Variants in RALGAPA2 observed in about 807,000 individuals in gnomAD.
RALGAPA2 encodes the protein Ral GTPase activating protein catalytic subunit alpha 2, also known as ral GTPase-activating protein subunit alpha-2.
In RALGAPA2, 139 loss-of-function variants were observed where a neutral mutation model predicts 230.4. The ratio of observed to expected loss-of-function variants is 0.60; its 90% CI spans 0.53 to 0.69. The LOEUF (loss-of-function observed/expected upper bound fraction) is 0.69, where lower values mean the gene tolerates loss of function less well. Ranked by LOEUF, RALGAPA2 falls within the 30% of genes least tolerant of loss-of-function variation. The pLI, the probability that RALGAPA2 is intolerant of heterozygous loss-of-function variation, is 0.00. For missense variants in RALGAPA2, 2,163 were observed against 2,276.0 expected (o/e 0.95, Z 1.01); for synonymous variants, 847 against 837.8 (o/e 1.01, Z -0.19).
intron 26 of RALGAPA2, among the ~76,000 whole-genome samples, chr20:20,534,927 C>T (rs1486729171): frequency 1.3e-5 from 2 of 152,256 alleles, no homozygotes; most frequent in South Asian, 2.1e-4. Context: ...TTAATATTTG[C>T]AAATTATTAT....
intron 3 of RALGAPA2, among the ~76,000 whole-genome samples, chr20:20,664,061 G>C (rs184910484): frequency 9.8e-5 from 15 of 152,298 alleles, no homozygotes; most frequent in African/African-American, 3.6e-4. Context: ...AATGGAGCAG[G>C]ATGGTGAGAG....
chr20:20,584,074 G>A (rs1009329983), intron 19 of RALGAPA2, among the ~76,000 whole-genome samples: 4 of 152,198 alleles, frequency 2.6e-5, no homozygotes, highest in Non-Finnish European at 5.9e-5. Context: ...TAAGCTAGCA[G>A]GGTGAAGGTA....
chr20:20,634,774 A>G (rs977200212), intron 9 of RALGAPA2, among the ~76,000 whole-genome samples: 4 of 152,226 alleles, frequency 2.6e-5, no homozygotes, highest in Non-Finnish European at 5.9e-5. Context: ...CACAAATGGT[A>G]GTGCTCCACC....
intron 13 of RALGAPA2, among the ~76,000 whole-genome samples, chr20:20,614,674 T>C (rs2066078773): frequency 6.6e-6 from 1 of 152,248 alleles, no homozygotes; most frequent in Admixed American, 6.5e-5. Context: ...GTGAACTTTC[T>C]GCACACCAAG....
intron 36 of RALGAPA2, among the ~76,000 whole-genome samples, chr20:20,476,819 A>G (rs2061663092): frequency 6.6e-6 from 1 of 152,140 alleles, no homozygotes. Context: ...ACATAGCCAC[A>G]AGGTCCATCC....
rs1223545829 is a variant in RALGAPA2 at position 20,394,474 on chromosome 20, CAA to C, written c.*36-1223_*36-1222del. Among the ~76,000 whole-genome samples the C allele has an allele frequency of 3.9e-5, 6 of 152,254 alleles. No homozygotes were observed. In the East Asian group the frequency reaches 1.2e-3, roughly 29 times the overall value. On this transcript the variant is annotated intron_variant, in intron 39 of 39. Transcript: ENST00000202677. The stretch of plus-strand genomic sequence containing the variant: ...GAAACACAGTGAAACCCCGTCTCTA[CAA>C]AAACATTGCAAAACTTATCCAGGCA...
chr20:20,662,839 G>C (rs1441990825), intron 3 of RALGAPA2, among the ~76,000 whole-genome samples: 2 of 152,150 alleles, frequency 1.3e-5, no homozygotes, highest in African/African-American at 4.8e-5. Flanking sequence ...CTTCCAAAGG[G>C]AGAACACCCT....
intron 1 of RALGAPA2, among the ~76,000 whole-genome samples, chr20:20,698,028 T>C (rs1392349452): frequency 6.6e-6 from 1 of 151,438 alleles, no homozygotes; most frequent in East Asian, 1.9e-4. Flanking sequence ...CAAATACAAA[T>C]GTACTCAACA....
chr20:20,503,524 G>T lies in RALGAPA2; in HGVS notation c.5053-18C>A, dbSNP rs1450800541. ...AGATCCACCTGACAAAGGTCACAAA[G>T]AAGAAAGAGTGAGGATCAAAAATGA... is the stretch of plus-strand genomic sequence containing the variant. On this transcript the variant is annotated intron_variant, in intron 34 of 39. Transcript: ENST00000202677. The T allele has an allele frequency of 1.3e-6, 2 of 1,519,044 alleles. No homozygotes were observed. The highest frequency in any genetic ancestry group is 5.0e-5 in the East Asian group (2 of 40,012). 94.1% of individuals were successfully genotyped at this position (1,519,044 alleles called of 1,614,324 possible).
At chr20:20,480,325 G>A (rs1602495523) in intron 36 of RALGAPA2, among the ~76,000 whole-genome samples, 2 of 152,164 alleles carry the variant, frequency 1.3e-5, no homozygotes, top group Non-Finnish European at 2.9e-5. Context: ...TAAGGCACAC[G>A]GGACCAGTGG....
intron 19 of RALGAPA2, among the ~76,000 whole-genome samples, chr20:20,584,224 C>A (rs1400788261): frequency 6.6e-6 from 1 of 152,194 alleles, no homozygotes; most frequent in Non-Finnish European, 1.5e-5. Context: ...ATTCCAATCT[C>A]ATTCCATTTC....
chr20:20,579,679 A>G (rs1430356706), intron 20 of RALGAPA2, among the ~76,000 whole-genome samples: 1 of 152,196 alleles, frequency 6.6e-6, no homozygotes, highest in Non-Finnish European at 1.5e-5. Flanking sequence ...GTTTTCTTCC[A>G]AAAGTTTTTA....
chr20:20,451,149 G>A (rs1326864408), intron 37 of RALGAPA2, among the ~76,000 whole-genome samples: 2 of 152,154 alleles, frequency 1.3e-5, no homozygotes, highest in African/African-American at 4.8e-5. Context: ...CAAAATTAGA[G>A]AGCATGCTTG....
intron 27 of RALGAPA2, 71 bp from the exon 28 acceptor site, chr20:20,526,433 G>A: frequency 3.0e-6 from 3 of 1,012,454 alleles, no homozygotes; most frequent in Non-Finnish European, 4.3e-6. Flanking sequence ...GGACAAAATA[G>A]TTATTTCTTC....
At chr20:20,642,843 TA>T (rs1396854110) in intron 5 of RALGAPA2, among the ~76,000 whole-genome samples, 1 of 152,234 alleles carries the variant, frequency 6.6e-6, no homozygotes, top group Non-Finnish European at 1.5e-5. Flanking sequence ...ATTAGCTTAT[TA>T]AAGGCATTCG....
intron 4 of RALGAPA2, among the ~76,000 whole-genome samples, chr20:20,646,693 GA>G (rs895460468): frequency 2.0e-5 from 3 of 151,710 alleles, no homozygotes; most frequent in African/African-American, 7.3e-5. Context: ...TGTAGATTCT[GA>G]AAAAAATTTA....
intron 38 of RALGAPA2, among the ~76,000 whole-genome samples, chr20:20,406,527 C>T (rs1045973019): frequency 1.1e-4 from 17 of 152,212 alleles, no homozygotes; most frequent in Non-Finnish European, 2.2e-4. Flanking sequence ...TGTGGCAACA[C>T]TTTGGCCAGC....
At chr20:20,527,459 C>T (rs1230592287) in intron 27 of RALGAPA2, among the ~76,000 whole-genome samples, 2 of 152,100 alleles carry the variant, frequency 1.3e-5, no homozygotes, top group African/African-American at 2.4e-5. Context: ...CTTGCTTCTG[C>T]CCCATGGCCT....
At chr20:20,415,118 G>A (rs188074468) in intron 37 of RALGAPA2, among the ~76,000 whole-genome samples, 1 of 152,366 alleles carries the variant, frequency 6.6e-6, no homozygotes, top group East Asian at 1.9e-4. Flanking sequence ...AATTGCAAGG[G>A]CAATTTGGAG....
Sources: allele counts gnomAD v4.1 joint callset (sites outside exome capture counted in the v4.1 genomes callset), GRCh38; gene constraint gnomAD v4.1.1; transcripts MANE v1.5; gene names NCBI Gene and HGNC (gene_info 2026-07-23, HGNC 2026-07-21).